The following ECE2 variants were observed in gnomAD, a reference collection of about 807,000 sequenced individuals.
ECE2 encodes the protein endothelin converting enzyme 2.
Under a neutral mutation model 100.6 loss-of-function variants are expected in ECE2, and 81 were observed. That is an observed-to-expected ratio of 0.81 (90% CI 0.67 to 0.97). The LOEUF (loss-of-function observed/expected upper bound fraction) is 0.97. ECE2 is among the 50% of genes least tolerant of loss of function. The pLI is 0.00. For missense variants in ECE2, 911 were observed against 988.1 expected (o/e 0.92, Z 1.05); for synonymous variants, 391 against 391.5 (o/e 1.00, Z 0.02).
rs1470744421 is a variant in ECE2 at position 184,291,852 on chromosome 3, G to A, written c.2122-210G>A. On this transcript the variant is annotated intron_variant, in intron 18 of 18. Coordinates refer to ENST00000404464, the MANE Select transcript of ECE2 (RefSeq NM_001100121.2). The surrounding 1 kb of genome is among the most constrained non-coding windows in gnomAD (Gnocchi z 4.1). ...GAGCAAGGACCCAGGCAGAGCCTCC[G>A]CTGGGCAGCCACAGCAGGCAGCTTC... is the stretch of plus-strand genomic sequence containing the variant. 1.5e-5 allele frequency: 9 copies of A among 593,738 alleles called. No homozygotes were observed. The highest frequency in any genetic ancestry group is 2.0e-5 in the Non-Finnish European group (7 of 342,120). The allele number at this position is 593,738 out of a possible 1,614,324, so 36.8% of individuals were successfully genotyped here.
chr3:184,278,661 A>T, intron 7 of ECE2, 104 bp downstream of exon 7: 3 of 1,223,664 alleles, frequency 2.5e-6, no homozygotes, highest in African/African-American at 1.5e-5. Flanking sequence ...AGGTGAGCCT[A>T]TCCTGTCACC....
At chr3:184,284,928 T>C in intron 8 of ECE2, 35 bp from the exon 9 acceptor site, 4 of 1,602,544 alleles carry the variant, frequency 2.5e-6, no homozygotes, top group Non-Finnish European at 3.4e-6. Flanking sequence ...TGGAAGCGAG[T>C]CGGGCAGGCA....
intron 6 of ECE2, 71 bp from the exon 7 acceptor site, chr3:184,278,421 C>T: frequency 6.3e-7 from 1 of 1,591,586 alleles, no homozygotes; most frequent in South Asian, 1.1e-5. Flanking sequence ...CCCACCCCTA[C>T]CCCCGCTCGG....
At chr3:184,290,512 G>A (rs751553421) in intron 14 of ECE2, 45 bp from the exon 15 acceptor site, 2 of 1,596,180 alleles carry the variant, frequency 1.3e-6, no homozygotes, top group Non-Finnish European at 1.7e-6. Flanking sequence ...GGGGAGCAGT[G>A]TCAGGAGAGT....
intron 7 of ECE2, among the ~76,000 whole-genome samples, chr3:184,280,606 G>T (rs1016197244): frequency 1.3e-5 from 2 of 152,308 alleles, no homozygotes; most frequent in Admixed American, 1.3e-4. Context: ...CACTTTGGGA[G>T]GCCAAGGCGA....
rs1408131312 is a variant in ECE2, at chr3:184,276,070, G to A, written c.-84G>A. 13 of 1,213,016 alleles carry A rather than the reference G, an allele frequency of 1.1e-5. No individual in the cohort carries two copies. The highest frequency in any genetic ancestry group is 1.2e-5 in the Non-Finnish European group (12 of 975,730). The allele number at this position is 1,213,016 out of a possible 1,614,324, so 75.1% of individuals were successfully genotyped here. On this transcript the variant is annotated 5_prime_UTR_variant, in exon 1 of 19. Transcript: ENST00000404464. ...GGCGGCCGTGATGGCTGGTGACGGC[G>A]GGGCCGGGCAGGGGACCGGGGCCGC...
Position 184,291,623 on chromosome 3 carries a change from G to A in ECE2, c.2121+184G>A. 3.5e-6 allele frequency: 2 copies of A among 570,192 alleles called. No homozygotes were observed. The highest frequency in any genetic ancestry group is 6.1e-6 in the Non-Finnish European group (2 of 328,266). The allele number at this position is 570,192 out of a possible 1,614,324, so 35.3% of individuals were successfully genotyped here. On this transcript the variant is annotated intron_variant, in intron 18 of 18. Coordinates refer to ENST00000404464, the MANE Select transcript of ECE2 (RefSeq NM_001100121.2). This position sits in a 1 kb window ranked among gnomAD's most constrained non-coding sequence, Gnocchi z 4.1. Reference sequence around the variant, plus strand: ...CGGCCAGCCAGGGCCCACAAAGGCAGCCTGAAGAGGCCTGAGCGGGAGAAT... The same window carrying A: ...CGGCCAGCCAGGGCCCACAAAGGCAACCTGAAGAGGCCTGAGCGGGAGAAT...
At chr3:184,279,108 G>T (rs377071274) in intron 7 of ECE2, among the ~76,000 whole-genome samples, 1 of 151,534 alleles carries the variant, frequency 6.6e-6, no homozygotes, top group African/African-American at 2.4e-5. Flanking sequence ...TCAGGAGTTC[G>T]AGACCAGGCT....
Position 184,291,530 on chromosome 3 carries a change from C to G in ECE2, c.2121+91C>G, listed in dbSNP as rs1171429951. 8.1e-7 allele frequency: 1 copy of G among 1,234,544 alleles called. No individual in the cohort carries two copies. Among genetic ancestry groups the G allele is most frequent in the East Asian group, 2.6e-5 (1 of 37,950 alleles). 76.5% of individuals were successfully genotyped at this position (1,234,544 alleles called of 1,614,324 possible). A position where few individuals can be genotyped will look rare whatever the true frequency, so the allele number is the denominator to read the frequency against. ...GGAGAACTCTGGGGCACGTGTCAAA[C>G]GGGCTGGTGAATGGGGCTGAGGCTG... On this transcript the variant is annotated intron_variant, in intron 18 of 18. Transcript: ENST00000404464. The surrounding 1 kb of genome is among the most constrained non-coding windows in gnomAD (Gnocchi z 4.1).
Position 184,278,701 on chromosome 3 carries a change from TTCTTTTC to T in ECE2, c.816+146_816+152del, listed in dbSNP as rs1720684509. The T allele has an allele frequency of 6.0e-5, 11 of 181,970 alleles. No individual in the cohort carries two copies. In the Admixed American group the frequency reaches 9.3e-4, roughly 15 times the overall value. The allele number at this position is 181,970 out of a possible 1,614,324, so 11.3% of individuals were successfully genotyped here. A position where few individuals can be genotyped will look rare whatever the true frequency, so the allele number is the denominator to read the frequency against. ...GAACAAACTGCCCCTCCTTTCTTTC[TTCTTTTC>T]TTCCTCCCTCCCTCCCTTTCTTCCC... On this transcript the variant is annotated intron_variant, in intron 7 of 18. Coordinates refer to ENST00000404464, the MANE Select transcript of ECE2 (RefSeq NM_001100121.2).
At chr3:184,283,734 C>A in intron 7 of ECE2, 51 bp from the exon 8 acceptor site, 3 of 1,585,402 alleles carry the variant, frequency 1.9e-6, no homozygotes, top group Admixed American at 1.7e-5. Flanking sequence ...CAGATCTCAG[C>A]CTTGGGCAGG....
At chr3:184,276,274 G>T in intron 1 of ECE2, 82 bp downstream of exon 1, 2 of 1,423,338 alleles carry the variant, frequency 1.4e-6, no homozygotes, top group Non-Finnish European at 1.8e-6. Flanking sequence ...AGGGGCAGGC[G>T]GTGCCCGGCT....
Position 184,292,221 on chromosome 3 carries a change from C to T in ECE2, c.2281C>T (p.Leu761=), listed in dbSNP as rs184822305. The T allele has an allele frequency of 6.2e-7, 1 of 1,614,082 alleles. No individual in the cohort carries two copies. Among genetic ancestry groups the T allele is most frequent in the African/African-American group, 1.3e-5 (1 of 75,064 alleles). ...CGGCTCCCCCATGAACCCAGGGCAG[C>T]TGTGTGAGGTGTGGTAGACCTGGAT... ...PVGSPMNPGQ[L]CEVW is the part of the protein sequence containing the mutation. Residue 761 remains leucine, a synonymous_variant, in exon 19 of 19, where the codon CTG becomes TTG. Coordinates refer to ENST00000404464, the MANE Select transcript of ECE2 (RefSeq NM_001100121.2).
chr3:184,284,039 C>T (rs1720926592), intron 8 of ECE2, 66 bp downstream of exon 8: 2 of 1,570,720 alleles, frequency 1.3e-6, no homozygotes, highest in South Asian at 2.3e-5. Flanking sequence ...ACCCAGCTTC[C>T]CTCCATGCCA....
Position 184,291,609 on chromosome 3 carries a change from G to A in ECE2, c.2121+170G>A. 1 of 625,736 alleles carries A rather than the reference G, an allele frequency of 1.6e-6. No homozygotes were observed. Among genetic ancestry groups the A allele is most frequent in the South Asian group, 2.7e-5 (1 of 36,526 alleles). The allele number at this position is 625,736 out of a possible 1,614,324, so 38.8% of individuals were successfully genotyped here. ...ATGCCCAGAGCCTCCGGCCAGCCAG[G>A]GCCCACAAAGGCAGCCTGAAGAGGC... On this transcript the variant is annotated intron_variant, in intron 18 of 18. Coordinates refer to ENST00000404464, the MANE Select transcript of ECE2 (RefSeq NM_001100121.2). The surrounding 1 kb of genome is among the most constrained non-coding windows in gnomAD (Gnocchi z 4.1).
At chr3:184,286,373 G>A (rs1202682618) in intron 10 of ECE2, among the ~76,000 whole-genome samples, 1 of 152,146 alleles carries the variant, frequency 6.6e-6, no homozygotes, top group East Asian at 1.9e-4. Flanking sequence ...TTCACAGATG[G>A]GGCTCCATGG....
At chr3:184,284,895 C>A (rs756172112) in intron 8 of ECE2, 68 bp from the exon 9 acceptor site, 25 of 1,571,728 alleles carry the variant, frequency 1.6e-5, no homozygotes, top group Non-Finnish European at 2.1e-5. Flanking sequence ...CAGGCTACAG[C>A]ATACAGTGGG....
At chr3:184,278,099 A>G (rs1283557741) in intron 5 of ECE2, 50 bp downstream of exon 5, 1 of 1,613,366 alleles carries the variant, frequency 6.2e-7, no homozygotes, top group South Asian at 1.1e-5. Flanking sequence ...AGGCCTTGAG[A>G]GAGGAGATGG....
At chr3:184,288,309 CAAAAAAAAAAAAA>C (rs10608428) in intron 11 of ECE2, among the ~76,000 whole-genome samples, 1 of 91,472 alleles carries the variant, frequency 1.1e-5, no homozygotes, top group Non-Finnish European at 2.0e-5. Flanking sequence ...AACTCTGTCT[CAAAAAAAAAAAAA>C]AAAAAAAAAG....
Sources: allele counts gnomAD v4.1 joint callset (sites outside exome capture counted in the v4.1 genomes callset), GRCh38; gene constraint gnomAD v4.1.1; non-coding constraint Gnocchi (gnomAD v3.1); transcripts MANE v1.5; gene names NCBI Gene and HGNC (gene_info 2026-07-23, HGNC 2026-07-21).